The following SGSM3 variants were observed in gnomAD, a reference collection of about 807,000 sequenced individuals.
SGSM3 encodes the protein small G protein signaling modulator 3.
Under a neutral mutation model 100.5 loss-of-function variants are expected in SGSM3, and 96 were observed. The ratio of observed to expected loss-of-function variants is 0.96; its 90% confidence interval spans 0.81 to 1.13. SGSM3 has a LOEUF of 1.13. Ranked by LOEUF, SGSM3 falls within the 50% of genes most tolerant of loss-of-function variation. SGSM3 has a pLI of 0.00. For missense variants in SGSM3, 1,001 were observed against 1,015.8 expected, an observed-to-expected ratio of 0.99 and a Z score of 0.20; for synonymous variants, 483 against 422.8, an observed-to-expected ratio of 1.14 and a Z score of -1.75.
intron 1 of SGSM3, among the ~76,000 whole-genome samples, chr22:40,399,877 T>C (rs2050508579): frequency 6.6e-6 from 1 of 152,264 alleles, no homozygotes; most frequent in South Asian, 2.1e-4. Flanking sequence ...AATGTTCTGC[T>C]GTGGCCTTTA....
chr22:40,381,356 C>G (rs998407880), intron 1 of SGSM3, among the ~76,000 whole-genome samples: 1 of 152,010 alleles, frequency 6.6e-6, no homozygotes. Context: ...ACTATGTTGC[C>G]GAGGCTGGTC....
At position 40,407,474 on chromosome 22, in the gene SGSM3, G is replaced by A. The variant is rs200569646; in HGVS notation, c.1430G>A (p.Cys477Tyr). The change falls in exon 13 of 22, where the codon TGC (cysteine) becomes TAC (tyrosine). Residue 477 changes from cysteine to tyrosine, a missense_variant. Transcript: ENST00000248929. The surrounding 1 kb of genome is among the most constrained non-coding windows in gnomAD (Gnocchi z 4.7). ...HQRDHENYVACSRSHRRRAKA... is the reference protein window; with the variant it reads ...HQRDHENYVAYSRSHRRRAKA... ...CGGGACCACGAGAACTACGTGGCGT[G>A]CTCACGCAGCCACCGGCGCCGAGCC... 498 of 1,612,050 alleles carry A rather than the reference G, an allele frequency of 3.1e-4. 2 individuals carry two copies. Among genetic ancestry groups the A allele is most frequent in the South Asian group, 9.7e-4 (88 of 91,080 alleles).
intron 1 of SGSM3, among the ~76,000 whole-genome samples, chr22:40,394,887 T>C (rs1194572336): frequency 6.6e-6 from 1 of 152,220 alleles, no homozygotes; most frequent in African/African-American, 2.4e-5. Flanking sequence ...TTGTAACCTA[T>C]TGTTCTGTTT....
In SGSM3 at chr22:40,410,161, A is replaced by AGGTTCTGC. The variant is rs1319751774; in HGVS notation, c.*403_*410dup. ...GGCTGCAGAGCTGTATTCAGGTCCA[A>AGGTTCTGC]GGTTCTGCCCTTCCTTGAGTGGTCT... is the stretch of plus-strand genomic sequence containing the variant. On this transcript the variant is annotated 3_prime_UTR_variant, in exon 22 of 22. Transcript: ENST00000248929. 3.7e-6 allele frequency: 4 copies of AGGTTCTGC among 1,095,292 alleles called. No homozygotes were observed. The highest frequency in any genetic ancestry group is 4.4e-6 in the Non-Finnish European group (4 of 900,872). 67.8% of individuals were successfully genotyped at this position (1,095,292 alleles called of 1,614,324 possible).
intron 16 of SGSM3, 25 bp downstream of exon 16, chr22:40,408,454 C>T: frequency 6.2e-7 from 1 of 1,612,618 alleles, no homozygotes; most frequent in Middle Eastern, 1.7e-4. Context: ...GGGCCCATGA[C>T]CCCCACCCTG....
At chr22:40,374,582 A>G (rs1374058842) in intron 1 of SGSM3, among the ~76,000 whole-genome samples, 1 of 152,250 alleles carries the variant, frequency 6.6e-6, no homozygotes, top group Non-Finnish European at 1.5e-5. Context: ...TAGGTGAGCA[A>G]TAAATATCTG....
intron 1 of SGSM3, among the ~76,000 whole-genome samples, chr22:40,397,607 G>A (rs1215874458): frequency 6.6e-6 from 1 of 152,112 alleles, no homozygotes; most frequent in East Asian, 1.9e-4. Flanking sequence ...CCACCACACT[G>A]TGAGGCCTCG....
intron 1 of SGSM3, among the ~76,000 whole-genome samples, chr22:40,383,484 G>T (rs2047925036): frequency 6.8e-6 from 1 of 147,624 alleles, no homozygotes; most frequent in Non-Finnish European, 1.5e-5. Flanking sequence ...AAAAAAAAAA[G>T]TCAGTAGGAA....
In SGSM3 at chr22:40,408,127, G is replaced by C. The variant is rs1467393577; in HGVS notation, c.1629+7G>C. 1.9e-6 allele frequency: 3 copies of C among 1,610,792 alleles called. No individual in the cohort carries two copies. Among genetic ancestry groups the C allele is most frequent in the African/African-American group, 1.3e-5 (1 of 74,870 alleles). On this transcript the variant is annotated splice_region_variant and intron_variant, in intron 15 of 21. Coordinates refer to ENST00000248929, the MANE Select transcript of SGSM3 (RefSeq NM_015705.6). ...GGATGAGCGCAGCAAAGAGGTGAGGGGGGTGGGCGGGCTAGGCACGGCTGG... is the reference window on the plus strand; with the variant it reads ...GGATGAGCGCAGCAAAGAGGTGAGGCGGGTGGGCGGGCTAGGCACGGCTGG...
chr22:40,371,244 A>G (rs1358450289), intron 1 of SGSM3, among the ~76,000 whole-genome samples: 2 of 152,350 alleles, frequency 1.3e-5, no homozygotes, highest in Middle Eastern at 3.4e-3. Context: ...TGTGGTTAGG[A>G]CTGGAATTTT....
At chr22:40,408,235 A>T in intron 15 of SGSM3, 42 bp from the exon 16 acceptor site, 1 of 1,609,556 alleles carries the variant, frequency 6.2e-7, no homozygotes, top group Admixed American at 1.7e-5. Context: ...GACTGGCTGC[A>T]GGCGTCAGGC....
chr22:40,372,434 C>T (rs1028444378), intron 1 of SGSM3, among the ~76,000 whole-genome samples: 14 of 152,196 alleles, frequency 9.2e-5, no homozygotes, highest in African/African-American at 2.6e-4. Flanking sequence ...CCTCCCTGTC[C>T]CTTTTTAAGC....
chr22:40,391,487 T>C (rs2049355597), intron 1 of SGSM3, among the ~76,000 whole-genome samples: 1 of 152,176 alleles, frequency 6.6e-6, no homozygotes, highest in Non-Finnish European at 1.5e-5. Flanking sequence ...GGTGCACACC[T>C]GTAGTCCCAG....
chr22:40,385,645 A>G (rs2048295990), intron 1 of SGSM3, among the ~76,000 whole-genome samples: 1 of 152,238 alleles, frequency 6.6e-6, no homozygotes, highest in Admixed American at 6.5e-5. Context: ...GCTGGAGTAC[A>G]GTCCCTCAGC....
intron 7 of SGSM3, 44 bp downstream of exon 7, chr22:40,405,328 C>A: frequency 7.0e-7 from 1 of 1,437,464 alleles, no homozygotes; most frequent in South Asian, 1.5e-5. Context: ...CCAGGACCCC[C>A]TCCAGGACCC....
At chr22:40,406,009 T>G in intron 8 of SGSM3, 69 bp from the exon 9 acceptor site, 1 of 1,574,560 alleles carries the variant, frequency 6.4e-7, no homozygotes, top group Non-Finnish European at 8.7e-7. Flanking sequence ...AGGGAGGACC[T>G]TGCTGCAGTT....
Position 40,407,389 on chromosome 22 carries a change from G to A in SGSM3, c.1369-24G>A, listed in dbSNP as rs768595430. ...GGCCCTAACTCCTCCAACCCCCTTG[G>A]TGGGCCTGTGTTCACTGTGGCAGGA... On this transcript the variant is annotated intron_variant, in intron 12 of 21. Coordinates refer to ENST00000248929, the MANE Select transcript of SGSM3 (RefSeq NM_015705.6). The surrounding 1 kb of genome is among the most constrained non-coding windows in gnomAD (Gnocchi z 4.7). 6.2e-7 allele frequency: 1 copy of A among 1,611,488 alleles called. No individual in the cohort carries two copies. Among genetic ancestry groups the A allele is most frequent in the Non-Finnish European group, 8.5e-7 (1 of 1,178,476 alleles).
At chr22:40,388,127 T>TA (rs1185976300) in intron 1 of SGSM3, 2 of 151,920 alleles carry the variant, frequency 1.3e-5, no homozygotes, top group African/African-American at 2.4e-5. Context: ...CAAGGTAGAG[T>TA]GTGATTCTTA....
At chr22:40,405,906 G>C (rs917865271) in intron 8 of SGSM3, 62 bp downstream of exon 8, 1 of 1,537,682 alleles carries the variant, frequency 6.5e-7, no homozygotes, top group African/African-American at 1.4e-5. Context: ...GCGGGTGGCC[G>C]AGTGGGGATA....
Sources: allele counts gnomAD v4.1 joint callset (sites outside exome capture counted in the v4.1 genomes callset), GRCh38; gene constraint gnomAD v4.1.1; non-coding constraint Gnocchi (gnomAD v3.1); transcripts MANE v1.5; gene names NCBI Gene and HGNC (gene_info 2026-07-23, HGNC 2026-07-21).